ARHGEF4: variants seen among roughly 807,000 people sequenced by gnomAD.
The protein encoded by ARHGEF4 is Rho guanine nucleotide exchange factor 4.
In ARHGEF4, 119 loss-of-function variants were observed where a neutral mutation model predicts 162.0. That is an observed-to-expected ratio of 0.73 (90% CI 0.63 to 0.86). ARHGEF4 has a LOEUF of 0.86. ARHGEF4 is among the 40% of genes least tolerant of loss of function. The probability of loss-of-function intolerance (pLI) is 0.00; values close to 1 mark genes in which losing one functional copy is unlikely to be tolerated. For missense variants in ARHGEF4, 2,488 were observed against 2,456.0 expected (o/e 1.01, Z -0.28); for synonymous variants, 1,014 against 979.9 (o/e 1.03, Z -0.65).
At chr2:130,889,011 T>C (rs550063735) in intron 1 of ARHGEF4, among the ~76,000 whole-genome samples, 3 of 150,784 alleles carry the variant, frequency 2.0e-5, no homozygotes, top group Non-Finnish European at 4.4e-5. Flanking sequence ...AGGCTGAGGC[T>C]GGAGAAGTGC....
intron 5 of ARHGEF4, chr2:131,035,152 C>T (rs1690154671): frequency 8.3e-7 from 1 of 1,211,610 alleles, no homozygotes; most frequent in Non-Finnish European, 1.0e-6. Flanking sequence ...CCTGCGCGCC[C>T]TGCTGCGCTG....
intron 8 of ARHGEF4, 40 bp from the exon 9 acceptor site, chr2:131,041,190 G>A (rs745442536): frequency 1.9e-6 from 3 of 1,549,130 alleles, no homozygotes; most frequent in African/African-American, 1.4e-5. Flanking sequence ...GCCTGTGGGA[G>A]CAGCAGAGAG....
intron 4 of ARHGEF4, among the ~76,000 whole-genome samples, chr2:131,023,343 G>A (rs1476236503): frequency 6.6e-6 from 1 of 151,972 alleles, no homozygotes; most frequent in Admixed American, 6.6e-5. Context: ...TGAGGTGAGA[G>A]GATCCCTTGA....
intron 4 of ARHGEF4, among the ~76,000 whole-genome samples, chr2:130,971,840 G>T (rs1340444590): frequency 2.6e-5 from 4 of 152,154 alleles, no homozygotes; most frequent in African/African-American, 9.7e-5. Context: ...CTCTCCACCA[G>T]ACCTCACTGC....
intron 4 of ARHGEF4, among the ~76,000 whole-genome samples, chr2:131,002,776 T>C (rs1056271085): frequency 7.0e-6 from 1 of 143,696 alleles, no homozygotes; most frequent in Non-Finnish European, 1.5e-5. Context: ...GAGAGCTCAC[T>C]GCTCTTTGTA....
At chr2:131,044,667 C>G (rs1691096529) in intron 12 of ARHGEF4, 125 bp downstream of exon 12, 1 of 1,313,548 alleles carries the variant, frequency 7.6e-7, no homozygotes, top group Non-Finnish European at 1.0e-6. Context: ...AGCAAGGCTC[C>G]AGGCACCTCT....
At chr2:131,001,302 CAAAAAAAAAAAAAAAAA>C (rs70994730) in intron 4 of ARHGEF4, among the ~76,000 whole-genome samples, 1 of 31,156 alleles carries the variant, frequency 3.2e-5, no homozygotes, top group Non-Finnish European at 6.6e-5. Flanking sequence ...GACTGTGTCT[CAAAAAAAAAAAAAAAAA>C]AAAAAAAAAC....
intron 4 of ARHGEF4, among the ~76,000 whole-genome samples, chr2:130,991,561 C>T (rs1474751562): frequency 6.6e-6 from 1 of 152,208 alleles, no homozygotes; most frequent in African/African-American, 2.4e-5. Context: ...CCCTGCCGGC[C>T]CCGGGCAATG....
At chr2:130,965,431 C>T (rs1467326273) in intron 4 of ARHGEF4, among the ~76,000 whole-genome samples, 2 of 152,278 alleles carry the variant, frequency 1.3e-5, no homozygotes, top group African/African-American at 4.8e-5. Flanking sequence ...AATAATCCAG[C>T]TGTTGATGTT....
At chr2:130,954,467 G>A (rs1684148042) in intron 4 of ARHGEF4, among the ~76,000 whole-genome samples, 1 of 152,176 alleles carries the variant, frequency 6.6e-6, no homozygotes, top group African/African-American at 2.4e-5. Context: ...GTTAATGGGT[G>A]CAGCACACCA....
intron 4 of ARHGEF4, among the ~76,000 whole-genome samples, chr2:130,992,818 T>A (rs534624488): frequency 1.5e-4 from 23 of 152,296 alleles, no homozygotes; most frequent in African/African-American, 4.3e-4. Flanking sequence ...GTTCAGTACA[T>A]CACACCTGTA....
intron 4 of ARHGEF4, among the ~76,000 whole-genome samples, chr2:130,963,074 C>T (rs1019673651): frequency 1.3e-5 from 2 of 152,180 alleles, no homozygotes; most frequent in Non-Finnish European, 2.9e-5. Context: ...CTCGCACACA[C>T]ACTCCGAAAA....
chr2:131,028,508 C>A (rs1689627351), intron 5 of ARHGEF4, among the ~76,000 whole-genome samples: 1 of 152,216 alleles, frequency 6.6e-6, no homozygotes, highest in African/African-American at 2.4e-5. Context: ...TCTCTCCTGA[C>A]AACAGGAGTT....
intron 5 of ARHGEF4, 109 bp downstream of exon 5, chr2:131,028,193 C>CT (rs1204925467): frequency 7.0e-7 from 1 of 1,423,042 alleles, no homozygotes; most frequent in Non-Finnish European, 9.5e-7. Flanking sequence ...CATGTGGCTG[C>CT]TGGTGGTGCT....
At chr2:130,964,014 G>T in intron 4 of ARHGEF4, 1 of 216,722 alleles carries the variant, frequency 4.6e-6, no homozygotes, top group South Asian at 1.6e-4. Context: ...AGCCTTCCCC[G>T]AGCCTGTGGC....
chr2:130,972,531 G>A (rs1685432930), intron 4 of ARHGEF4, among the ~76,000 whole-genome samples: 1 of 152,162 alleles, frequency 6.6e-6, no homozygotes, highest in Admixed American at 6.5e-5. Context: ...TCCTGACTCA[G>A]TCCTCTGTTG....
intron 13 of ARHGEF4, 105 bp downstream of exon 13, chr2:131,045,551 A>AG (rs761128802): frequency 9.9e-6 from 16 of 1,610,212 alleles, no homozygotes; most frequent in East Asian, 6.7e-5. Context: ...ACCAGGCCTG[A>AG]GGGGGGCCCA....
intron 4 of ARHGEF4, among the ~76,000 whole-genome samples, chr2:130,992,890 C>G (rs1448858089): frequency 6.6e-6 from 1 of 152,166 alleles, no homozygotes; most frequent in African/African-American, 2.4e-5. Flanking sequence ...TCGAGACCAG[C>G]CTGGCCAGCA....
intron 5 of ARHGEF4, 88 bp from the exon 6 acceptor site, chr2:131,038,765 C>A: frequency 7.0e-7 from 1 of 1,435,790 alleles, no homozygotes; most frequent in South Asian, 1.4e-5. Context: ...TCCCCTCTTC[C>A]CAGGGCTGCT....
Sources: gnomAD v4.1 joint callset for allele counts (sites outside exome capture counted in the v4.1 genomes callset) on GRCh38, gnomAD v4.1.1 for gene constraint, MANE v1.5 for transcripts, NCBI Gene and HGNC (gene_info 2026-07-23, HGNC 2026-07-21) for gene names.